The following MYBL1 variants were observed in gnomAD, a reference collection of about 807,000 sequenced individuals.
The protein encoded by MYBL1 is myb-related protein A.
A neutral mutation model predicts 96.3 loss-of-function variants in MYBL1; 17 were observed. That is an observed-to-expected ratio of 0.18 (90% CI 0.12 to 0.26). The LOEUF is 0.26. Ranked by LOEUF, MYBL1 falls within the 10% of genes least tolerant of loss-of-function variation. The pLI is 1.00. For synonymous variants in MYBL1, 282 were observed against 292.7 expected (o/e 0.96, Z 0.37); for missense variants, 701 against 882.9 (o/e 0.79, Z 2.61).
intron 8 of MYBL1, among the ~76,000 whole-genome samples, chr8:66,591,165 G>A (rs1025570625): frequency 6.6e-6 from 1 of 151,908 alleles, no homozygotes; most frequent in African/African-American, 2.4e-5. Flanking sequence ...TGGCTAACAC[G>A]GTGAAACCTA....
At chr8:66,574,383 C>T (rs1275223214) in intron 10 of MYBL1, among the ~76,000 whole-genome samples, 1 of 152,164 alleles carries the variant, frequency 6.6e-6, no homozygotes, top group Non-Finnish European at 1.5e-5. Context: ...TGCTAGTATG[C>T]CCAAGCCTAC....
Position 66,566,191 on chromosome 8 carries a change from T to C in MYBL1, c.2003A>G (p.His668Arg). The change falls in exon 15 of 16, where the codon CAT (histidine) becomes CGT (arginine). Residue 668 changes from histidine to arginine, a missense_variant. By Grantham distance (29) the His-to-Arg change is conservative (BLOSUM62 0). Around this residue, in one of 5 missense-constraint regions of MYBL1, gnomAD observed 137 missense variants for 137.5 expected, o/e 1.00. Coordinates refer to ENST00000522677, the MANE Select transcript of MYBL1 (RefSeq NM_001080416.4). ...AGGAATCAAGTTGCACCTATTGTCA[T>C]GTATTTCCAATAATGGTATCATTAA... ...SLLMIPLLEI[H>R]DNRCNLIPEK... 3 of 1,518,912 alleles carry C rather than the reference T, an allele frequency of 2.0e-6. No homozygotes were observed. Among genetic ancestry groups the C allele is most frequent in the Non-Finnish European group, 1.8e-6 (2 of 1,116,132 alleles). The allele number at this position is 1,518,912 out of a possible 1,614,324, so 94.1% of individuals were successfully genotyped here.
chr8:66,572,412 G>GTGA, intron 12 of MYBL1, 70 bp downstream of exon 12: 1 of 656,450 alleles, frequency 1.5e-6, no homozygotes, highest in Non-Finnish European at 2.5e-6. Flanking sequence ...AAAAATCAAA[G>GTGA]TGATAAAAAT....
intron 10 of MYBL1, among the ~76,000 whole-genome samples, chr8:66,574,257 T>G (rs1336014985): frequency 6.6e-6 from 1 of 152,214 alleles, no homozygotes; most frequent in Non-Finnish European, 1.5e-5. Flanking sequence ...AACCCTCTTT[T>G]ACACGATAAA....
At chr8:66,569,223 T>C (rs1808632834) in intron 12 of MYBL1, among the ~76,000 whole-genome samples, 1 of 152,170 alleles carries the variant, frequency 6.6e-6, no homozygotes. Context: ...TTTCTGTTTC[T>C]GTGTTGGTTT....
intron 8 of MYBL1, among the ~76,000 whole-genome samples, chr8:66,586,156 C>T (rs924773768): frequency 3.3e-5 from 5 of 151,458 alleles, no homozygotes; most frequent in African/African-American, 1.2e-4. Flanking sequence ...AGCCATCCTC[C>T]CACCTCAGCA....
intron 1 of MYBL1, among the ~76,000 whole-genome samples, chr8:66,606,614 C>T (rs1810320761): frequency 6.6e-6 from 1 of 152,168 alleles, no homozygotes; most frequent in South Asian, 2.1e-4. Context: ...ATTGACTTGT[C>T]AATTCCATTG....
intron 9 of MYBL1, among the ~76,000 whole-genome samples, chr8:66,576,922 T>C (rs1447620186): frequency 6.6e-6 from 1 of 152,188 alleles, no homozygotes; most frequent in East Asian, 1.9e-4. Flanking sequence ...GCTGGTTCAA[T>C]ATACGCAAAT....
At chr8:66,581,573 G>A (rs1361724215) in intron 8 of MYBL1, among the ~76,000 whole-genome samples, 1 of 152,104 alleles carries the variant, frequency 6.6e-6, no homozygotes, top group Non-Finnish European at 1.5e-5. Context: ...GAACTCGAGA[G>A]GCTGAGGTGA....
At chr8:66,572,674 C>T (rs1253890498) in intron 11 of MYBL1, 78 bp from the exon 12 acceptor site, 17 of 646,696 alleles carry the variant, frequency 2.6e-5, no homozygotes, top group Non-Finnish European at 4.0e-5. Context: ...GCAATTTAAG[C>T]ACACGCTAAA....
intron 1 of MYBL1, among the ~76,000 whole-genome samples, chr8:66,603,650 C>T (rs930721075): frequency 6.6e-6 from 1 of 151,852 alleles, no homozygotes; most frequent in African/African-American, 2.4e-5. Context: ...ACCATCATGC[C>T]CAGCTAATTT....
rs553111794 is a variant in MYBL1, at chr8:66,607,333, A to C, written c.21-4810T>G. ...CACTGCAGCTTTCTGTCCTATTTGT[A>C]TGTACTAAGAGCACCTACCTTTCTT... On this transcript the variant is annotated intron_variant, in intron 1 of 15. Transcript: ENST00000522677. Among the ~76,000 whole-genome samples, 317 of 152,306 alleles carry C rather than the reference A, an allele frequency of 2.1e-3. 1 individual carries two copies. The highest frequency in any genetic ancestry group is 6.8e-3 in the Middle Eastern group (2 of 294).
At chr8:66,569,894 TA>T (rs1346908348) in intron 12 of MYBL1, among the ~76,000 whole-genome samples, 1 of 152,204 alleles carries the variant, frequency 6.6e-6, no homozygotes, top group Non-Finnish European at 1.5e-5. Flanking sequence ...TAGTAAATAT[TA>T]AAAGAATCGG....
At chr8:66,573,234 A>C in intron 11 of MYBL1, 130 bp downstream of exon 11, 1 of 966,226 alleles carries the variant, frequency 1.0e-6, no homozygotes, top group Non-Finnish European at 1.4e-6. Flanking sequence ...AAACAAAACA[A>C]AACAAAAAAA....
intron 8 of MYBL1, among the ~76,000 whole-genome samples, chr8:66,591,291 G>A (rs762142050): frequency 5.9e-5 from 9 of 151,768 alleles, no homozygotes; most frequent in Non-Finnish European, 1.2e-4. Context: ...AGCTTGCAGT[G>A]AGCCAAGATC....
chr8:66,570,580 T>A (rs1808689595), intron 12 of MYBL1, among the ~76,000 whole-genome samples: 1 of 152,240 alleles, frequency 6.6e-6, no homozygotes, highest in Non-Finnish European at 1.5e-5. Context: ...CATGACCCTA[T>A]GAAGGCAGGA....
intron 7 of MYBL1, 113 bp from the exon 8 acceptor site, chr8:66,592,657 G>A: frequency 3.2e-6 from 2 of 633,882 alleles, no homozygotes; most frequent in South Asian, 2.3e-5. Context: ...TTCTAATAAA[G>A]CTTAATGCTA....
At chr8:66,612,691 G>T (rs1444081762) in intron 1 of MYBL1, 128 bp downstream of exon 1, 9 of 1,155,596 alleles carry the variant, frequency 7.8e-6, no homozygotes, top group African/African-American at 1.6e-5. Context: ...AGCGGCCGCG[G>T]GGACGCGGGA....
At chr8:66,598,989 C>T (rs1227449787) in intron 4 of MYBL1, 61 bp downstream of exon 4, 7 of 1,111,344 alleles carry the variant, frequency 6.3e-6, no homozygotes, top group Non-Finnish European at 8.5e-6. Context: ...CAAAACAACA[C>T]ATTAAAAAGA....
Sources: allele counts gnomAD v4.1 joint callset (sites outside exome capture counted in the v4.1 genomes callset), GRCh38; gene constraint gnomAD v4.1.1; regional missense constraint gnomAD v4.1.1; transcripts MANE v1.5; gene names NCBI Gene and HGNC (gene_info 2026-07-23, HGNC 2026-07-21).